The following PLA2G4A variants were observed in gnomAD, a reference collection of about 807,000 sequenced individuals.
PLA2G4A encodes the protein cytosolic phospholipase A2.
PLA2G4A carries 40 observed loss-of-function variants against 81.9 expected under a neutral mutation model. That is an observed-to-expected ratio of 0.49 (90% CI 0.38 to 0.64). The LOEUF is 0.64. Ranked by LOEUF, PLA2G4A falls within the 30% of genes least tolerant of loss-of-function variation. The pLI is 0.00. For synonymous variants in PLA2G4A, 302 were observed against 296.9 expected, an observed-to-expected ratio of 1.02 and a Z score of -0.18; for missense variants, 715 against 905.1, an observed-to-expected ratio of 0.79 and a Z score of 2.69.
At chr1:186,930,723 C>G (rs758444187) in intron 7 of PLA2G4A, among the ~76,000 whole-genome samples, 1 of 152,074 alleles carries the variant, frequency 6.6e-6, no homozygotes, top group Non-Finnish European at 1.5e-5. Context: ...ATAAGAACAA[C>G]CTATCTTTTA....
At chr1:186,943,048 C>T (rs911588179) in intron 10 of PLA2G4A, among the ~76,000 whole-genome samples, 7 of 152,114 alleles carry the variant, frequency 4.6e-5, no homozygotes, top group African/African-American at 1.7e-4. Context: ...ATTTATTCTT[C>T]CAATATATGC....
chr1:186,841,802 T>C (rs1159080094), intron 1 of PLA2G4A, among the ~76,000 whole-genome samples: 2 of 152,198 alleles, frequency 1.3e-5, no homozygotes, highest in African/African-American at 4.8e-5. Flanking sequence ...TATGTGAAAC[T>C]GGGCTGGCCA....
intron 3 of PLA2G4A, chr1:186,870,752 T>A (rs1653236108): frequency 6.7e-7 from 1 of 1,491,382 alleles, no homozygotes; most frequent in Non-Finnish European, 9.1e-7. Flanking sequence ...TGCGTAAGAG[T>A]GCCCTTATTT....
chr1:186,917,808 C>T (rs1034094262), intron 7 of PLA2G4A, among the ~76,000 whole-genome samples: 7 of 152,202 alleles, frequency 4.6e-5, no homozygotes, highest in African/African-American at 1.7e-4. Flanking sequence ...CCTGAAGATC[C>T]TCAAAAGGAG....
chr1:186,961,461 C>T (rs976074501), intron 14 of PLA2G4A, among the ~76,000 whole-genome samples: 1 of 151,062 alleles, frequency 6.6e-6, no homozygotes. Context: ...TAAATATACG[C>T]AATTATTATT....
intron 3 of PLA2G4A, among the ~76,000 whole-genome samples, chr1:186,885,994 G>C (rs6680303): frequency 0.036 from 5,531 of 152,122 alleles, 342 homozygotes; most frequent in African/African-American, 0.13. Flanking sequence ...GGTATTTTCT[G>C]TAGCCAATAA....
rs116322413 is a variant in PLA2G4A at position 186,865,686 on chromosome 1, A to C, written c.34-4749A>C. 2.4e-3 allele frequency among the ~76,000 whole-genome samples: 368 copies of C among 152,244 alleles called. 1 individual carries two copies. The highest frequency in any genetic ancestry group is 8.4e-3 in the African/African-American group (350 of 41,572). ...TCAGAATCTACTTTATTTTCCATCA[A>C]CTTTATTTTATGATTGTTTCTTTGG... On this transcript the variant is annotated intron_variant, in intron 2 of 17. Transcript: ENST00000367466.
intron 14 of PLA2G4A, among the ~76,000 whole-genome samples, chr1:186,962,535 T>TTTATTTA (rs902992209): frequency 3.3e-5 from 5 of 150,308 alleles, no homozygotes; most frequent in Non-Finnish European, 7.4e-5. Flanking sequence ...TATTTATTTA[T>TTTATTTA]TTTTGAGACG....
In PLA2G4A at chr1:186,906,337, C is replaced by A. The variant is rs1571387342; in HGVS notation, c.379-628C>A. ...CTTTACACAAAAATTGTCTCTCTGG[C>A]AGGATGTCCTCCTTCAATATGTTTG... On this transcript the variant is annotated intron_variant, in intron 5 of 17. Coordinates refer to ENST00000367466, the MANE Select transcript of PLA2G4A (RefSeq NM_024420.3). Among the ~76,000 whole-genome samples the A allele has an allele frequency of 1.3e-5, 2 of 152,292 alleles. 1 individual carries two copies. The highest frequency in any genetic ancestry group is 3.9e-4 in the East Asian group (2 of 5,180).
intron 17 of PLA2G4A, among the ~76,000 whole-genome samples, chr1:186,987,148 T>C (rs549554509): frequency 6.6e-6 from 1 of 152,236 alleles, no homozygotes; most frequent in Admixed American, 6.5e-5. Context: ...GAAAAATAAT[T>C]GCATGTTTGC....
Position 186,939,130 on chromosome 1 carries a change from A to G in PLA2G4A, c.818A>G (p.Lys273Arg), listed in dbSNP as rs780373756. 2 of 1,609,332 alleles carry G rather than the reference A, an allele frequency of 1.2e-6. No homozygotes were observed. Among genetic ancestry groups the G allele is most frequent in the Non-Finnish European group, 8.5e-7 (1 of 1,175,768 alleles). ...TTACTTCTCACACCACAGAAAGTTA[A>G]AAGATATGTTGAGTCTTTATGGAAG... Reference protein sequence around the residue: ...PLLLLTPQKVKRYVESLWKKK... With the variant: ...PLLLLTPQKVRRYVESLWKKK... Residue 273 changes from lysine to arginine, a missense_variant, in exon 9 of 18, where the codon AAA becomes AGA. By Grantham distance (26) the Lys-to-Arg change is conservative. Coordinates refer to ENST00000367466, the MANE Select transcript of PLA2G4A (RefSeq NM_024420.3).
chr1:186,919,722 T>C (rs1399958525), intron 7 of PLA2G4A, among the ~76,000 whole-genome samples: 2 of 152,086 alleles, frequency 1.3e-5, no homozygotes, highest in Non-Finnish European at 2.9e-5. Context: ...AAAGAAGGCA[T>C]CTTTTAAGTC....
At chr1:186,915,103 C>T (rs1231004196) in intron 7 of PLA2G4A, among the ~76,000 whole-genome samples, 1 of 152,152 alleles carries the variant, frequency 6.6e-6, no homozygotes, top group Non-Finnish European at 1.5e-5. Context: ...ATTTTCCAAA[C>T]ATGGCCCCAG....
chr1:186,977,057 T>C lies in PLA2G4A; in HGVS notation c.1765-536T>C, dbSNP rs529188429. Among the ~76,000 whole-genome samples, 7 of 152,334 alleles carry C rather than the reference T, an allele frequency of 4.6e-5. No homozygotes were observed. In the East Asian group the frequency reaches 1.4e-3, roughly 29 times the overall value. On this transcript the variant is annotated intron_variant, in intron 15 of 17. Coordinates refer to ENST00000367466, the MANE Select transcript of PLA2G4A (RefSeq NM_024420.3). ...TGGCCGTTACATGTAATAGCAATGCTCTGAGGCCAAAGGTTCAACTTCTGT... is the reference window on the plus strand; with the variant it reads ...TGGCCGTTACATGTAATAGCAATGCCCTGAGGCCAAAGGTTCAACTTCTGT...
At chr1:186,862,597 T>C (rs1186344348) in intron 2 of PLA2G4A, among the ~76,000 whole-genome samples, 1 of 152,158 alleles carries the variant, frequency 6.6e-6, no homozygotes, top group Non-Finnish European at 1.5e-5. Context: ...ATAAAATATC[T>C]AAAATAGTAT....
At chr1:186,922,225 A>T (rs1348468088) in intron 7 of PLA2G4A, among the ~76,000 whole-genome samples, 1 of 152,138 alleles carries the variant, frequency 6.6e-6, no homozygotes, top group Non-Finnish European at 1.5e-5. Context: ...TTTACACCAA[A>T]CCAGAATCAA....
intron 2 of PLA2G4A, among the ~76,000 whole-genome samples, chr1:186,865,107 A>AT (rs1652979286): frequency 6.9e-6 from 1 of 144,774 alleles, no homozygotes; most frequent in Non-Finnish European, 1.5e-5. Flanking sequence ...TATATATATA[A>AT]AATATAATAT....
chr1:186,935,851 C>T (rs142517990), intron 8 of PLA2G4A, among the ~76,000 whole-genome samples: 1 of 152,076 alleles, frequency 6.6e-6, no homozygotes, highest in African/African-American at 2.4e-5. Flanking sequence ...CTGGACCTCC[C>T]AGAAAGTTTT....
chr1:186,966,835 C>T (rs974920029), intron 15 of PLA2G4A, among the ~76,000 whole-genome samples: 2 of 152,170 alleles, frequency 1.3e-5, no homozygotes, highest in Non-Finnish European at 2.9e-5. Flanking sequence ...TTTTTGCTTA[C>T]ATATATATTG....
Sources: gnomAD v4.1 joint callset for allele counts (sites outside exome capture counted in the v4.1 genomes callset) on GRCh38, gnomAD v4.1.1 for gene constraint, MANE v1.5 for transcripts, NCBI Gene and HGNC (gene_info 2026-07-23, HGNC 2026-07-21) for gene names.